Variants in CELF2 observed in about 807,000 individuals in gnomAD.
CELF2 encodes the protein CUGBP Elav-like family member 2.
A neutral mutation model predicts 62.6 loss-of-function variants in CELF2; 8 were observed. That is an observed-to-expected ratio of 0.13 (90% confidence interval 0.07 to 0.23). The LOEUF (loss-of-function observed/expected upper bound fraction) is 0.23, where lower values mean the gene tolerates loss of function less well. Among genes scored for constraint, CELF2 ranks in the 10% least tolerant of loss-of-function variants. The probability of loss-of-function intolerance (pLI) is 1.00; values close to 1 mark genes in which losing one functional copy is unlikely to be tolerated. For synonymous variants in CELF2, 258 were observed against 250.0 expected (o/e 1.03, Z -0.30); for missense variants, 333 against 671.0 (o/e 0.50, Z 5.56).
chr10:10,613,031 C>G, the CELF2 span, among the ~76,000 whole-genome samples: 1 of 152,180 alleles, frequency 6.6e-6, no homozygotes, highest in Non-Finnish European at 1.5e-5. Context: ...CAGAGGAAGT[C>G]AAGCAGCCTA....
chr10:10,838,880 C>G (rs1367235520), intron 1 of CELF2, among the ~76,000 whole-genome samples: 1 of 152,134 alleles, frequency 6.6e-6, no homozygotes, highest in Non-Finnish European at 1.5e-5. Flanking sequence ...TGGCTCACAC[C>G]TGTAATCCCA....
chr10:10,915,584 G>GT (rs1490036300), intron 1 of CELF2, among the ~76,000 whole-genome samples: 3 of 151,796 alleles, frequency 2.0e-5, no homozygotes, highest in Non-Finnish European at 4.4e-5. Context: ...CTGTTTGTTT[G>GT]TTTTTTCTGT....
At chr10:10,569,208 T>C in the CELF2 span, among the ~76,000 whole-genome samples, 1 of 152,238 alleles carries the variant, frequency 6.6e-6, no homozygotes, top group African/African-American at 2.4e-5. Flanking sequence ...CTGGGTAATT[T>C]ATAAAGAAAA....
chr10:10,642,828 C>T, the CELF2 span, among the ~76,000 whole-genome samples: 1 of 152,228 alleles, frequency 6.6e-6, no homozygotes, highest in South Asian at 2.1e-4. Flanking sequence ...CTGCCCACTG[C>T]TTGGGTTGCA....
At chr10:11,180,211 C>T (rs555432360) in intron 2 of CELF2, among the ~76,000 whole-genome samples, 2 of 152,284 alleles carry the variant, frequency 1.3e-5, no homozygotes, top group South Asian at 4.1e-4. Flanking sequence ...TTTTTCTACC[C>T]TTTGGCTACC....
chr10:10,646,852 G>A, the CELF2 span, among the ~76,000 whole-genome samples: 1 of 152,202 alleles, frequency 6.6e-6, no homozygotes, highest in African/African-American at 2.4e-5. Context: ...TGCTAAGAGA[G>A]TGAAGAAATG....
chr10:10,527,653 A>G, the CELF2 span, among the ~76,000 whole-genome samples: 1,493 of 152,300 alleles, frequency 9.8e-3, 23 homozygotes, highest in African/African-American at 0.034. Context: ...TAGAGGATAC[A>G]CTGGAGACTC....
intron 1 of CELF2, among the ~76,000 whole-genome samples, chr10:10,823,916 G>A (rs2057173567): frequency 6.6e-6 from 1 of 152,064 alleles, no homozygotes; most frequent in Non-Finnish European, 1.5e-5. Context: ...GTGTACGTGT[G>A]GATAGATGGG....
rs551166010 is a variant in CELF2 at position 11,128,814 on chromosome 10, C to T, written c.75-36672C>T. Among the ~76,000 whole-genome samples, 528 of 152,232 alleles carry T rather than the reference C, an allele frequency of 3.5e-3. 3 individuals carry two copies. The highest frequency in any genetic ancestry group is 0.01 in the Middle Eastern group (3 of 292). On this transcript the variant is annotated intron_variant, in intron 1 of 12. Transcript: ENST00000633077. Reference sequence around the variant, plus strand: ...GGGTGTTCTAGATATACAATCATGTCGTCTGCAAACAGGGACAATTTGACT... The same window carrying T: ...GGGTGTTCTAGATATACAATCATGTTGTCTGCAAACAGGGACAATTTGACT...
At chr10:10,673,198 T>C in the CELF2 span, among the ~76,000 whole-genome samples, 1 of 152,154 alleles carries the variant, frequency 6.6e-6, no homozygotes, top group Non-Finnish European at 1.5e-5. Context: ...TGTTAATTTT[T>C]CAGATTTTCT....
chr10:11,256,826 G>A (rs1371611674), intron 4 of CELF2, among the ~76,000 whole-genome samples: 1 of 152,060 alleles, frequency 6.6e-6, no homozygotes, highest in African/African-American at 2.4e-5. Flanking sequence ...AGTACAACGT[G>A]TCTTATCTTC....
At chr10:10,508,717 T>C in the CELF2 span, among the ~76,000 whole-genome samples, 8 of 151,060 alleles carry the variant, frequency 5.3e-5, no homozygotes, top group Middle Eastern at 3.2e-3. Context: ...TATTTTTTTT[T>C]TTGAGATGGA....
At chr10:11,022,151 A>G (rs763773689) in intron 1 of CELF2, among the ~76,000 whole-genome samples, 1 of 152,228 alleles carries the variant, frequency 6.6e-6, no homozygotes, top group Non-Finnish European at 1.5e-5. Context: ...GGAAATTAAA[A>G]TGAGAAAAGT....
upstream of CELF2, chr10:11,005,253 AGG>A: frequency 7.1e-6 from 10 of 1,403,052 alleles, no homozygotes; most frequent in East Asian, 2.4e-5. The surrounding 1 kb of genome is among the most constrained non-coding windows in gnomAD (Gnocchi z 4.3). Context: ...ACAGAGAGAG[AGG>A]GAGAGAGAGA....
Position 10,985,209 on chromosome 10 carries a change from AG to A in CELF2, c.89+65214del, listed in dbSNP as rs764867195. The stretch of plus-strand genomic sequence containing the variant: ...CCTACTCGGGAATATTAAAATGTAC[AG>A]GGGTTCACATTTTGGTGATAATATT... On this transcript the variant is annotated intron_variant, in intron 2 of 13. Transcript: ENST00000636488. Among the ~76,000 whole-genome samples, 63 of 152,188 alleles carry A rather than the reference AG, an allele frequency of 4.1e-4. 1 individual carries two copies. The highest frequency in any genetic ancestry group is 1.3e-4 in the Non-Finnish European group (9 of 68,034).
At chr10:11,001,188 C>T (rs893777063), upstream of CELF2, among the ~76,000 whole-genome samples, 2 of 152,176 alleles carry the variant, frequency 1.3e-5, no homozygotes, top group Non-Finnish European at 2.9e-5. Flanking sequence ...TCTTCCAGAG[C>T]AATATGGGAT....
At chr10:11,299,172 T>G (rs546492813) in intron 9 of CELF2, among the ~76,000 whole-genome samples, 1 of 152,254 alleles carries the variant, frequency 6.6e-6, no homozygotes, top group Non-Finnish European at 1.5e-5. Context: ...AAGACTGCTG[T>G]GTCCAGGCAG....
chr10:11,105,500 T>A (rs755878560), intron 1 of CELF2: 5 of 152,366 alleles, frequency 3.3e-5, no homozygotes, highest in African/African-American at 4.8e-5. Flanking sequence ...GACTTGATTA[T>A]CTCCAAGACA....
the CELF2 span, among the ~76,000 whole-genome samples, chr10:10,614,667 G>C: frequency 6.6e-6 from 1 of 152,140 alleles, no homozygotes; most frequent in Non-Finnish European, 1.5e-5. Flanking sequence ...GACAGGGAGA[G>C]AGATGGGCCC....
Sources: allele counts gnomAD v4.1 joint callset (sites outside exome capture counted in the v4.1 genomes callset), GRCh38; gene constraint gnomAD v4.1.1; non-coding constraint Gnocchi (gnomAD v3.1); transcripts MANE v1.5; gene names NCBI Gene and HGNC (gene_info 2026-07-23, HGNC 2026-07-21).